CCDC38: variants seen among roughly 807,000 people sequenced by gnomAD.
CCDC38 encodes coiled-coil domain containing 38.
In CCDC38, 69 loss-of-function variants were observed where a neutral mutation model predicts 72.8. The ratio of observed to expected loss-of-function variants is 0.95; its 90% CI spans 0.78 to 1.16. The LOEUF is 1.16. CCDC38 is among the 50% of genes most tolerant of loss of function. The pLI, the probability that CCDC38 is intolerant of heterozygous loss-of-function variation, is 0.00. For synonymous variants in CCDC38, 201 were observed against 213.2 expected (o/e 0.94, Z 0.50); for missense variants, 626 against 638.9 (o/e 0.98, Z 0.22).
At position 95,932,228 on chromosome 12, in the gene CCDC38, T is replaced by C. The variant is rs556354335; in HGVS notation, c.37+4245A>G. Among the ~76,000 whole-genome samples, 3 of 152,102 alleles carry C rather than the reference T, an allele frequency of 2.0e-5. No homozygotes were observed. The East Asian group carries it at 5.8e-4, about 29-fold the overall frequency. On this transcript the variant is annotated intron_variant, in intron 2 of 15. Transcript: ENST00000344280. ...AGATCAGACTAGTTCAGGTAAGAGGTAATGGGCTCAGACCAGCATGGTAGG... is the reference window on the plus strand; with the variant it reads ...AGATCAGACTAGTTCAGGTAAGAGGCAATGGGCTCAGACCAGCATGGTAGG...
At chr12:95,937,810 A>G (rs559629650) in intron 1 of CCDC38, among the ~76,000 whole-genome samples, 22 of 152,318 alleles carry the variant, frequency 1.4e-4, no homozygotes, top group African/African-American at 5.3e-4. Context: ...TTGAGTACCT[A>G]CTATGTGTCA....
chr12:95,880,311 G>T (rs79398728), intron 11 of CCDC38, among the ~76,000 whole-genome samples: 1 of 152,060 alleles, frequency 6.6e-6, no homozygotes, highest in South Asian at 2.1e-4. Flanking sequence ...TGGATAAATG[G>T]ATTAAGTCAA....
intron 10 of CCDC38, chr12:95,885,238 G>C (rs1194908220): frequency 6.5e-6 from 1 of 153,076 alleles, no homozygotes; most frequent in East Asian, 1.9e-4. Flanking sequence ...TTCTGGACTC[G>C]ACCCAGTCCT....
chr12:95,901,692 T>C (rs1011847318), intron 5 of CCDC38, among the ~76,000 whole-genome samples: 14 of 152,124 alleles, frequency 9.2e-5, no homozygotes, highest in African/African-American at 3.4e-4. Flanking sequence ...AAGGTGTGAA[T>C]AGACCAATTG....
intron 1 of CCDC38, among the ~76,000 whole-genome samples, chr12:95,936,847 A>G (rs1397898647): frequency 6.6e-6 from 1 of 152,252 alleles, no homozygotes; most frequent in Non-Finnish European, 1.5e-5. Context: ...ACCTCTCTCC[A>G]TGGTATTGGT....
rs778487658 is a variant in CCDC38 at position 95,872,306 on chromosome 12, T to C, written c.1433A>G (p.Lys478Arg). ...CCTCTCAATTGCCTCCACATTTTCTTTGGGAATGGATTCGATGAGGTCACA... is the reference window on the plus strand; with the variant it reads ...CCTCTCAATTGCCTCCACATTTTCTCTGGGAATGGATTCGATGAGGTCACA... ...ELCDLIESIP[K>R]ENVEAIERMK... The change falls in exon 14 of 16, where the codon AAA becomes AGA. Residue 478 changes from lysine to arginine, a missense_variant. Lys to Arg is a conservative substitution (Grantham distance 26). Coordinates refer to ENST00000344280, the MANE Select transcript of CCDC38 (RefSeq NM_182496.3). 6 of 1,614,080 alleles carry C rather than the reference T, an allele frequency of 3.7e-6. No individual in the cohort carries two copies. Among genetic ancestry groups the C allele is most frequent in the Non-Finnish European group, 5.1e-6 (6 of 1,180,044 alleles).
chr12:95,923,287 CCTT>C (rs1471650792), intron 2 of CCDC38, among the ~76,000 whole-genome samples: 2 of 152,110 alleles, frequency 1.3e-5, no homozygotes, highest in Non-Finnish European at 2.9e-5. Flanking sequence ...TAGTAAATCT[CCTT>C]CTTATTGGTT....
intron 2 of CCDC38, among the ~76,000 whole-genome samples, chr12:95,925,605 C>T (rs1201325326): frequency 6.6e-6 from 1 of 152,178 alleles, no homozygotes; most frequent in South Asian, 2.1e-4. Flanking sequence ...GAGAGGGCAT[C>T]CCTGTCTTGT....
chr12:95,935,666 G>A (rs1592811488), intron 2 of CCDC38: 4 of 162,098 alleles, frequency 2.5e-5, no homozygotes, highest in African/African-American at 9.6e-5. Context: ...GAGCCTGAGT[G>A]CCTGTTACCT....
rs750628020 is a variant in CCDC38, at chr12:95,936,483, C to A, written c.27G>T (p.Leu9=). The A allele has an allele frequency of 6.2e-7, 1 of 1,612,562 alleles. No homozygotes were observed. Among genetic ancestry groups the A allele is most frequent in the East Asian group, 2.2e-5 (1 of 44,828 alleles). MSSNLLPT[L]NSGGKVKDGS... ...TTGATTTCTTTTTACCTCCAGAATTCAGTGTTGGCAATAAATTTGAGGACA... is the reference window on the plus strand; with the variant it reads ...TTGATTTCTTTTTACCTCCAGAATTAAGTGTTGGCAATAAATTTGAGGACA... The change falls in exon 2 of 16, where the codon CTG becomes CTT. Residue 9 remains leucine, a synonymous_variant. Coordinates refer to ENST00000344280, the MANE Select transcript of CCDC38 (RefSeq NM_182496.3).
In CCDC38 at chr12:95,883,162, C is replaced by A. The variant is rs534172899; in HGVS notation, c.921-1608G>T. On this transcript the variant is annotated intron_variant, in intron 10 of 15. Coordinates refer to ENST00000344280, the MANE Select transcript of CCDC38 (RefSeq NM_182496.3). Reference sequence around the variant, plus strand: ...CTGGTTTAGGCAGTCCAATCTCTCTCACCTGAATTGTGACAATAGACTCCT... The same window carrying A: ...CTGGTTTAGGCAGTCCAATCTCTCTAACCTGAATTGTGACAATAGACTCCT... 2.5e-4 allele frequency among the ~76,000 whole-genome samples: 38 copies of A among 152,352 alleles called. 1 individual carries two copies. Among genetic ancestry groups the A allele is most frequent in the African/African-American group, 8.7e-4 (36 of 41,580 alleles).
At chr12:95,894,445 C>T (rs891846427) in intron 8 of CCDC38, among the ~76,000 whole-genome samples, 1 of 151,956 alleles carries the variant, frequency 6.6e-6, no homozygotes, top group Admixed American at 6.6e-5. Context: ...GAATTTGGTC[C>T]CCAATGTCAG....
rs908954834 is a variant in CCDC38, at chr12:95,879,577, G to T, written c.1142+67C>A. The T allele has an allele frequency of 2.7e-6, 3 of 1,131,052 alleles. No individual in the cohort carries two copies. The highest frequency in any genetic ancestry group is 3.1e-5 in the African/African-American group (2 of 64,704). The allele number at this position is 1,131,052 out of a possible 1,614,324, so 70.1% of individuals were successfully genotyped here. On this transcript the variant is annotated intron_variant, in intron 12 of 15. Coordinates refer to ENST00000344280, the MANE Select transcript of CCDC38 (RefSeq NM_182496.3). The surrounding 1 kb of genome is among the most constrained non-coding windows in gnomAD (Gnocchi z 5.5). The stretch of plus-strand genomic sequence containing the variant: ...CCACGAGGAAGAGCCACATGTGAGT[G>T]AGTTGGACCCAGGCTCTGGTTAGAA...
At chr12:95,918,532 T>C (rs1451781828) in intron 3 of CCDC38, among the ~76,000 whole-genome samples, 2 of 152,232 alleles carry the variant, frequency 1.3e-5, no homozygotes, top group Non-Finnish European at 2.9e-5. Flanking sequence ...GGGCCAGTGA[T>C]GTATGACATC....
chr12:95,877,963 G>A (rs1565942966), intron 13 of CCDC38, among the ~76,000 whole-genome samples: 1 of 152,156 alleles, frequency 6.6e-6, no homozygotes, highest in African/African-American at 2.4e-5. Flanking sequence ...GGGAAACTAT[G>A]GTCAATATCA....
chr12:95,881,338 C>T, intron 11 of CCDC38, 147 bp downstream of exon 11: 1 of 495,590 alleles, frequency 2.0e-6, no homozygotes, highest in Non-Finnish European at 3.6e-6. Flanking sequence ...ATTATATATC[C>T]AATTGGAGAA....
chr12:95,905,562 T>TACTA (rs1404276252), intron 5 of CCDC38, among the ~76,000 whole-genome samples: 1 of 152,190 alleles, frequency 6.6e-6, no homozygotes, highest in Non-Finnish European at 1.5e-5. Context: ...CGTATGGAAG[T>TACTA]ACTAACTAAC....
chr12:95,878,200 G>A lies in CCDC38; in HGVS notation c.1278+11C>T. ...CCAAAATGAAATCACCATAGGCAAA[G>A]AGTGATTTACCTGAGCATCTGAATT... On this transcript the variant is annotated intron_variant, in intron 13 of 15. Transcript: ENST00000344280. 1 of 1,612,040 alleles carries A rather than the reference G, an allele frequency of 6.2e-7. No individual in the cohort carries two copies. Among genetic ancestry groups the A allele is most frequent in the Non-Finnish European group, 8.5e-7 (1 of 1,179,186 alleles).
At chr12:95,927,044 G>A (rs529629746) in intron 2 of CCDC38, among the ~76,000 whole-genome samples, 1 of 152,268 alleles carries the variant, frequency 6.6e-6, no homozygotes, top group Non-Finnish European at 1.5e-5. Flanking sequence ...GAGTTCTGTA[G>A]ATGTCTATTA....
Sources: gnomAD v4.1 joint callset for allele counts (sites outside exome capture counted in the v4.1 genomes callset) on GRCh38, gnomAD v4.1.1 for gene constraint, Gnocchi (gnomAD v3.1) non-coding constraint, MANE v1.5 for transcripts, NCBI Gene and HGNC (gene_info 2026-07-23, HGNC 2026-07-21) for gene names.